The following CTNNA3 variants were observed in gnomAD, a reference collection of about 807,000 sequenced individuals.
CTNNA3 encodes catenin alpha 3.
CTNNA3 carries 76 observed loss-of-function variants against 95.7 expected under a neutral mutation model. The ratio of observed to expected loss-of-function variants is 0.79; its 90% CI spans 0.66 to 0.96. CTNNA3 has a LOEUF of 0.96. Among genes scored for constraint, CTNNA3 ranks in the 40% least tolerant of loss-of-function variants. CTNNA3 has a pLI of 0.00. For missense variants in CTNNA3, 1,191 were observed against 1,089.8 expected (o/e 1.09, Z -1.31); for synonymous variants, 431 against 374.4 (o/e 1.15, Z -1.74).
intron 10 of CTNNA3, among the ~76,000 whole-genome samples, chr10:66,553,421 G>T (rs1363421394): frequency 1.0e-5 from 1 of 96,846 alleles, no homozygotes; most frequent in Non-Finnish European, 1.9e-5. Context: ...TCCACAGTAA[G>T]TTTGGAAATG....
chr10:67,269,540 A>G (rs573444103), intron 5 of CTNNA3, among the ~76,000 whole-genome samples: 25 of 152,284 alleles, frequency 1.6e-4, no homozygotes, highest in African/African-American at 5.8e-4. Flanking sequence ...TATGTTATTA[A>G]TCAGAATAGC....
At chr10:67,622,564 A>C (rs1027964933) in intron 2 of CTNNA3, among the ~76,000 whole-genome samples, 3 of 152,234 alleles carry the variant, frequency 2.0e-5, no homozygotes, top group African/African-American at 7.2e-5. Flanking sequence ...CCCACAGATC[A>C]TCTCAAAGCT....
chr10:67,303,776 A>G lies in CTNNA3; in HGVS notation c.580-83906T>C, dbSNP rs1347978956. ...ATTTTATAATCACCTCCTTTCCCCT[A>G]TTTAGATATTTAAGTCTCTCCTTGT... is the stretch of plus-strand genomic sequence containing the variant. On this transcript the variant is annotated intron_variant, in intron 5 of 17. Transcript: ENST00000433211. Among the ~76,000 whole-genome samples, 2 of 151,982 alleles carry G rather than the reference A, an allele frequency of 1.3e-5. 1 individual carries two copies. Among genetic ancestry groups the G allele is most frequent in the South Asian group, 4.2e-4 (2 of 4,818 alleles).
chr10:65,931,534 G>T (rs1381081959), intron 17 of CTNNA3, among the ~76,000 whole-genome samples: 1 of 147,004 alleles, frequency 6.8e-6, no homozygotes, highest in Non-Finnish European at 1.5e-5. Flanking sequence ...CAGATGTGAG[G>T]CATAGAATAT....
chr10:66,748,954 C>T (rs1839003184), intron 9 of CTNNA3, among the ~76,000 whole-genome samples: 1 of 151,758 alleles, frequency 6.6e-6, no homozygotes, highest in African/African-American at 2.4e-5. Context: ...GGGCGGATCA[C>T]CTGAGATCAG....
At chr10:67,678,475 G>T (rs558265382) in intron 1 of CTNNA3, among the ~76,000 whole-genome samples, 26 of 152,212 alleles carry the variant, frequency 1.7e-4, no homozygotes, top group African/African-American at 5.8e-4. Flanking sequence ...AAGAAGCAAA[G>T]AATGGAACTG....
chr10:66,797,018 A>G (rs925185690), intron 7 of CTNNA3, among the ~76,000 whole-genome samples: 6 of 151,702 alleles, frequency 4.0e-5, no homozygotes, highest in African/African-American at 1.5e-4. Context: ...TATTCTTTGC[A>G]TTTAGAGCCT....
chr10:66,040,232 C>A (rs1228567959), intron 15 of CTNNA3, among the ~76,000 whole-genome samples: 1 of 151,964 alleles, frequency 6.6e-6, no homozygotes. Context: ...ATAACAGGTG[C>A]TGCTGAGGTT....
chr10:66,388,983 A>T (rs1263362603), intron 11 of CTNNA3, among the ~76,000 whole-genome samples: 1 of 152,168 alleles, frequency 6.6e-6, no homozygotes, highest in Non-Finnish European at 1.5e-5. Context: ...CTTAAAAATG[A>T]TTATTTCTCT....
chr10:67,258,086 C>T (rs1176276523), intron 5 of CTNNA3, among the ~76,000 whole-genome samples: 2 of 152,156 alleles, frequency 1.3e-5, no homozygotes, highest in Admixed American at 6.6e-5. Context: ...TCTACATATG[C>T]AATCCCTCTT....
intron 7 of CTNNA3, among the ~76,000 whole-genome samples, chr10:67,159,716 T>G (rs1861454192): frequency 6.6e-6 from 1 of 151,960 alleles, no homozygotes; most frequent in African/African-American, 2.4e-5. Context: ...TATACAAAAA[T>G]CATCTGAAAA....
intron 10 of CTNNA3, among the ~76,000 whole-genome samples, chr10:66,538,436 A>G (rs1841733790): frequency 6.6e-6 from 1 of 152,094 alleles, no homozygotes; most frequent in Non-Finnish European, 1.5e-5. Flanking sequence ...GTGCTGGTAT[A>G]TTTAGTGACT....
At chr10:67,744,199 G>A (rs1230562516) in intron 1 of CTNNA3, among the ~76,000 whole-genome samples, 13 of 150,966 alleles carry the variant, frequency 8.6e-5, no homozygotes, top group Non-Finnish European at 1.5e-4. Flanking sequence ...CAGCAAGTCA[G>A]TCCTAAGCCA....
At chr10:66,508,211 T>TTTTTTTTTTTTTTTTTTTTTTTTG (rs1491247894) in intron 11 of CTNNA3, among the ~76,000 whole-genome samples, 3,169 of 88,666 alleles carry the variant, frequency 0.036, 78 homozygotes, top group Non-Finnish European at 0.052. Context: ...TTGTTTTCTG[T>TTTTTTTTTTTTTTTTTTTTTTTTG]TTTTTTTTTT....
intron 3 of CTNNA3, among the ~76,000 whole-genome samples, chr10:67,571,454 G>A (rs544459107): frequency 6.6e-6 from 1 of 152,292 alleles, no homozygotes; most frequent in South Asian, 2.1e-4. Flanking sequence ...TTCTAGAAAT[G>A]TTAAGAACTC....
chr10:67,006,607 T>A (rs1852006737), intron 7 of CTNNA3, among the ~76,000 whole-genome samples: 1 of 152,072 alleles, frequency 6.6e-6, no homozygotes, highest in Non-Finnish European at 1.5e-5. Context: ...TTCAGAATTA[T>A]GTATTATAAA....
At chr10:66,443,551 C>A (rs1210548619) in intron 11 of CTNNA3, among the ~76,000 whole-genome samples, 1 of 152,138 alleles carries the variant, frequency 6.6e-6, no homozygotes, top group Non-Finnish European at 1.5e-5. Context: ...ACGGCTGACA[C>A]CCAGGCAAAA....
intron 15 of CTNNA3, among the ~76,000 whole-genome samples, chr10:66,050,378 T>C (rs2079923152): frequency 6.6e-6 from 1 of 151,734 alleles, no homozygotes; most frequent in African/African-American, 2.4e-5. Flanking sequence ...CGATTATCCA[T>C]GCACAACACA....
chr10:67,180,321 T>C lies in CTNNA3; in HGVS notation c.1043A>G (p.Asn348Ser). 1 of 1,613,278 alleles carries C rather than the reference T, an allele frequency of 6.2e-7. No homozygotes were observed. The highest frequency in any genetic ancestry group is 2.2e-5 in the East Asian group (1 of 44,858). ...ALQDLLSEYM[N>S]NAGKKERSNT... is the part of the protein sequence containing the mutation. ...GAAGGCAAACCAGTCACCTACGTTG[T>C]TCATGTACTCTGAAAGCAGATCCTG... is the stretch of plus-strand genomic sequence containing the variant. The change falls in exon 7 of 18, where the codon AAC becomes AGC. Residue 348 changes from asparagine to serine, a missense_variant. Transcript: ENST00000433211.
Sources: allele counts gnomAD v4.1 joint callset (sites outside exome capture counted in the v4.1 genomes callset), GRCh38; gene constraint gnomAD v4.1.1; transcripts MANE v1.5; gene names NCBI Gene and HGNC (gene_info 2026-07-23, HGNC 2026-07-21).